The following TRPS1 variants were observed in gnomAD, a reference collection of about 807,000 sequenced individuals.
The protein encoded by TRPS1 is transcriptional repressor GATA binding 1, also known as zinc finger transcription factor Trps1.
In TRPS1, 6 loss-of-function variants were observed where a neutral mutation model predicts 101.2. The observed-to-expected ratio is 0.06, with a 90% confidence interval of 0.03 to 0.12. The LOEUF (loss-of-function observed/expected upper bound fraction) is 0.12. TRPS1 is among the 10% of genes least tolerant of loss of function. The pLI, the probability that TRPS1 is intolerant of heterozygous loss-of-function variation, is 1.00. For synonymous variants in TRPS1, 578 were observed against 589.8 expected (o/e 0.98, Z 0.29); for missense variants, 1,363 against 1,567.0 (o/e 0.87, Z 2.20).
intron 1 of TRPS1, among the ~76,000 whole-genome samples, chr8:115,656,437 C>G (rs898729482): frequency 6.6e-6 from 1 of 152,100 alleles, no homozygotes; most frequent in Admixed American, 6.6e-5. Context: ...TTTCTTATCA[C>G]TTTTGGAGAA....
At chr8:115,663,547 C>A (rs1339541493) in intron 1 of TRPS1, among the ~76,000 whole-genome samples, 1 of 151,808 alleles carries the variant, frequency 6.6e-6, no homozygotes, top group Non-Finnish European at 1.5e-5. Context: ...TAGTGAAACA[C>A]ACTTAAGAAC....
intron 5 of TRPS1, among the ~76,000 whole-genome samples, chr8:115,495,356 C>T (rs934106339): frequency 1.3e-5 from 2 of 151,740 alleles, no homozygotes; most frequent in African/African-American, 4.8e-5. Flanking sequence ...TCAATTGCTC[C>T]CAAGGAAACA....
chr8:115,457,908 TTCTG>T (rs1245746108), intron 5 of TRPS1, among the ~76,000 whole-genome samples: 3 of 152,178 alleles, frequency 2.0e-5, no homozygotes, highest in African/African-American at 4.8e-5. Flanking sequence ...GAGTTGGATA[TTCTG>T]TCTGTGTGTT....
intron 1 of TRPS1, among the ~76,000 whole-genome samples, chr8:115,636,936 C>CA (rs56410624): frequency 1.4e-3 from 208 of 147,090 alleles, no homozygotes; most frequent in South Asian, 2.4e-3. Flanking sequence ...ACAAAAAAAG[C>CA]AAAAAAAAAA....
At chr8:115,608,132 A>G (rs1818081554) in intron 3 of TRPS1, among the ~76,000 whole-genome samples, 1 of 152,148 alleles carries the variant, frequency 6.6e-6, no homozygotes. Flanking sequence ...GAGTAGGAAA[A>G]TTTACTGCTT....
rs539015179 is a variant in TRPS1 at position 115,617,324 on chromosome 8, T to C, written c.966+1808A>G. ...GGATCAGCTGTTTTATTTCTAGTTCTATTAGTTCAAACTCAGATAGCTCAC... is the reference window on the plus strand; with the variant it reads ...GGATCAGCTGTTTTATTTCTAGTTCCATTAGTTCAAACTCAGATAGCTCAC... On this transcript the variant is annotated intron_variant, in intron 3 of 6. Coordinates refer to ENST00000395715, the MANE Select transcript of TRPS1 (RefSeq NM_014112.5). Among the ~76,000 whole-genome samples, 5 of 152,350 alleles carry C rather than the reference T, an allele frequency of 3.3e-5. No homozygotes were observed. In the South Asian group the frequency reaches 1.0e-3, roughly 32 times the overall value.
At chr8:115,541,140 T>C (rs920538563) in intron 5 of TRPS1, among the ~76,000 whole-genome samples, 3 of 152,230 alleles carry the variant, frequency 2.0e-5, no homozygotes, top group Non-Finnish European at 2.9e-5. Flanking sequence ...CAACTAATAG[T>C]AGCAGAAGCG....
intron 5 of TRPS1, among the ~76,000 whole-genome samples, chr8:115,578,732 G>A (rs747102010): frequency 4.6e-5 from 7 of 151,978 alleles, no homozygotes; most frequent in Admixed American, 2.6e-4. Context: ...ATATGAACAC[G>A]AAAGTATTTA....
Position 115,413,946 on chromosome 8 carries a change from C to A in TRPS1, c.*77G>T. On this transcript the variant is annotated 3_prime_UTR_variant, in exon 7 of 7. Transcript: ENST00000395715. ...TCTATGAAGTATTTTTTTAATAGGTCTTCATAAGACATTACAAGCTATTGA... is the reference window on the plus strand; with the variant it reads ...TCTATGAAGTATTTTTTTAATAGGTATTCATAAGACATTACAAGCTATTGA... 6.9e-7 allele frequency: 1 copy of A among 1,450,888 alleles called. No homozygotes were observed. Among genetic ancestry groups the A allele is most frequent in the Non-Finnish European group, 9.4e-7 (1 of 1,059,010 alleles). The allele number at this position is 1,450,888 out of a possible 1,614,324, so 89.9% of individuals were successfully genotyped here.
intron 5 of TRPS1, among the ~76,000 whole-genome samples, chr8:115,521,901 T>G (rs1278323603): frequency 6.6e-6 from 1 of 151,946 alleles, no homozygotes; most frequent in African/African-American, 2.4e-5. Flanking sequence ...TTACAATTAT[T>G]TTTTAAATAA....
At chr8:115,608,151 T>C (rs1818082197) in intron 3 of TRPS1, among the ~76,000 whole-genome samples, 1 of 152,276 alleles carries the variant, frequency 6.6e-6, no homozygotes, top group Non-Finnish European at 1.5e-5. Context: ...TTCTTAGCTG[T>C]GACTATACTA....
At position 115,507,500 on chromosome 8, in the gene TRPS1, T is replaced by C. The variant is rs1241346577; in HGVS notation, c.2700+79501A>G. ...CTCATTTTCACACATGGAATCAATA[T>C]GTGAGCCAGATGTTCATTTACAGAG... On this transcript the variant is annotated intron_variant, in intron 5 of 6. Coordinates refer to ENST00000395715, the MANE Select transcript of TRPS1 (RefSeq NM_014112.5). Among the ~76,000 whole-genome samples, 3 of 152,046 alleles carry C rather than the reference T, an allele frequency of 2.0e-5. No homozygotes were observed. The East Asian group carries it at 5.8e-4, about 29-fold the overall frequency.
At chr8:115,463,366 A>G (rs1814237058) in intron 5 of TRPS1, among the ~76,000 whole-genome samples, 1 of 152,230 alleles carries the variant, frequency 6.6e-6, no homozygotes, top group Non-Finnish European at 1.5e-5. Context: ...CCCTTTTCTG[A>G]GATATTTATT....
chr8:115,519,330 T>C (rs944538026), intron 5 of TRPS1, among the ~76,000 whole-genome samples: 5 of 151,698 alleles, frequency 3.3e-5, no homozygotes, highest in African/African-American at 7.2e-5. Context: ...TAACTTCTCA[T>C]TGTAGTCATC....
At chr8:115,571,284 A>C (rs1483608397) in intron 5 of TRPS1, among the ~76,000 whole-genome samples, 1 of 152,182 alleles carries the variant, frequency 6.6e-6, no homozygotes, top group African/African-American at 2.4e-5. Flanking sequence ...AACTACCATA[A>C]ATTCTGTGAT....
chr8:115,556,598 G>C (rs192950357), intron 5 of TRPS1, among the ~76,000 whole-genome samples: 2 of 152,238 alleles, frequency 1.3e-5, no homozygotes, highest in Admixed American at 1.3e-4. Context: ...TCATGTGCCT[G>C]TGTTCTGCTT....
intron 4 of TRPS1, among the ~76,000 whole-genome samples, chr8:115,601,073 G>C (rs992657935): frequency 2.0e-5 from 3 of 152,088 alleles, no homozygotes; most frequent in Non-Finnish European, 4.4e-5. Context: ...TTCACTCAGA[G>C]CTCTAGATAA....
intron 5 of TRPS1, among the ~76,000 whole-genome samples, chr8:115,523,287 C>A (rs1348652810): frequency 1.3e-5 from 2 of 152,024 alleles, no homozygotes; most frequent in Non-Finnish European, 2.9e-5. Context: ...GTTTCATAAA[C>A]CAGAAGGAGG....
At chr8:115,615,654 G>A (rs1253896520) in intron 3 of TRPS1, among the ~76,000 whole-genome samples, 1 of 152,048 alleles carries the variant, frequency 6.6e-6, no homozygotes, top group Non-Finnish European at 1.5e-5. Context: ...TCAGCTACTC[G>A]GGAGGCTGAG....
Sources: allele counts gnomAD v4.1 joint callset (sites outside exome capture counted in the v4.1 genomes callset), GRCh38; gene constraint gnomAD v4.1.1; transcripts MANE v1.5; gene names NCBI Gene and HGNC (gene_info 2026-07-23, HGNC 2026-07-21).